The following DCBLD1 variants were observed in gnomAD, a reference collection of about 807,000 sequenced individuals.
DCBLD1 encodes discoidin, CUB and LCCL domain-containing protein 1.
A neutral mutation model predicts 71.5 loss-of-function variants in DCBLD1; 57 were observed. The observed-to-expected ratio is 0.80, with a 90% CI of 0.64 to 0.99. DCBLD1 has a LOEUF of 0.99. Among genes scored for constraint, DCBLD1 ranks in the 50% least tolerant of loss-of-function variants. The pLI, the probability that DCBLD1 is intolerant of heterozygous loss-of-function variation, is 0.00. For missense variants in DCBLD1, 891 were observed against 923.5 expected, an observed-to-expected ratio of 0.96 and a Z score of 0.46; for synonymous variants, 380 against 363.8, an observed-to-expected ratio of 1.04 and a Z score of -0.51.
intron 14 of DCBLD1, among the ~76,000 whole-genome samples, chr6:117,558,511 G>T (rs1779525444): frequency 6.6e-6 from 1 of 152,100 alleles, no homozygotes; most frequent in Non-Finnish European, 1.5e-5. Flanking sequence ...CTCTCCCCAA[G>T]TTGAGTGGTT....
In DCBLD1 at chr6:117,548,784, A is replaced by T. The variant is rs559539297; in HGVS notation, c.*345A>T. 52 of 1,125,084 alleles carry T rather than the reference A, an allele frequency of 4.6e-5. No individual in the cohort carries two copies. Among genetic ancestry groups the T allele is most frequent in the Non-Finnish European group, 5.4e-5 (50 of 918,470 alleles). 69.7% of individuals were successfully genotyped at this position (1,125,084 alleles called of 1,614,324 possible). A position where few individuals can be genotyped will look rare whatever the true frequency, so the allele number is the denominator to read the frequency against. ...TATTTAACAATAATAAAAGTAACTT[A>T]AGTTTGCTCTATCAGATTTTAGTTC... On this transcript the variant is annotated 3_prime_UTR_variant, in exon 15 of 15. Transcript: ENST00000338728.
downstream of DCBLD1, among the ~76,000 whole-genome samples, chr6:117,552,169 C>A (rs922827244): frequency 6.6e-6 from 1 of 152,244 alleles, no homozygotes; most frequent in Admixed American, 6.5e-5. Flanking sequence ...GGTTTAGAAC[C>A]ATACAGAACT....
At chr6:117,567,778 T>G (rs1779727920) in intron 14 of DCBLD1, among the ~76,000 whole-genome samples, 1 of 152,038 alleles carries the variant, frequency 6.6e-6, no homozygotes, top group African/African-American at 2.4e-5. Context: ...CCCTACATAA[T>G]GAACAAGAAT....
At chr6:117,542,119 C>T (rs1259530717) in intron 11 of DCBLD1, among the ~76,000 whole-genome samples, 2 of 151,824 alleles carry the variant, frequency 1.3e-5, no homozygotes, top group Non-Finnish European at 2.9e-5. Context: ...ATGGTGAAAC[C>T]CCGTCTCTAA....
intron 2 of DCBLD1, among the ~76,000 whole-genome samples, chr6:117,505,896 T>C (rs1777826346): frequency 2.6e-5 from 4 of 152,172 alleles, no homozygotes. Flanking sequence ...CAGGGTGTTA[T>C]CCTCCCCATT....
At chr6:117,540,240 A>G (rs1333050721) in intron 9 of DCBLD1, 1 of 154,454 alleles carries the variant, frequency 6.5e-6, no homozygotes, top group East Asian at 1.9e-4. Flanking sequence ...GCCATTTAAA[A>G]TGGCTGCTTC....
intron 4 of DCBLD1, among the ~76,000 whole-genome samples, chr6:117,523,229 C>T (rs1203628357): frequency 6.6e-6 from 1 of 152,134 alleles, no homozygotes; most frequent in Non-Finnish European, 1.5e-5. Context: ...ATTATCTCAG[C>T]TTTAGCCCAG....
rs890016032 is a variant in DCBLD1 at position 117,493,469 on chromosome 6, A to T, written c.113-10298A>T. Among the ~76,000 whole-genome samples, 51 of 152,290 alleles carry T rather than the reference A, an allele frequency of 3.3e-4. 1 individual carries two copies. The highest frequency in any genetic ancestry group is 1.2e-3 in the African/African-American group (48 of 41,572). ...CTAGTAAAGAGTACTTCGATAATTT[A>T]AAAAAGGGGATGATAGAACTTCTCA... is the stretch of plus-strand genomic sequence containing the variant. On this transcript the variant is annotated intron_variant, in intron 1 of 14. Transcript: ENST00000338728.
intron 1 of DCBLD1, among the ~76,000 whole-genome samples, chr6:117,486,837 G>A (rs13192067): frequency 0.26 from 39,230 of 152,024 alleles, 5,150 homozygotes; most frequent in South Asian, 0.37. Flanking sequence ...GTTAGGAGCC[G>A]GGCCACACAG....
intron 5 of DCBLD1, among the ~76,000 whole-genome samples, 183 bp from the exon 6 acceptor site, chr6:117,532,077 G>C (rs1778740633): frequency 6.6e-6 from 1 of 152,160 alleles, no homozygotes; most frequent in Non-Finnish European, 1.5e-5. Flanking sequence ...ATCTGCAGCA[G>C]AACAAAGCAA....
chr6:117,526,988 A>C (rs982451019), intron 5 of DCBLD1, among the ~76,000 whole-genome samples: 2 of 152,154 alleles, frequency 1.3e-5, no homozygotes, highest in Admixed American at 1.3e-4. Flanking sequence ...ATCTGCTTCT[A>C]AGCTCATGTG....
At chr6:117,554,047 A>G (rs913620881), downstream of DCBLD1, among the ~76,000 whole-genome samples, 23 of 152,310 alleles carry the variant, frequency 1.5e-4, no homozygotes, top group Non-Finnish European at 3.1e-4. Context: ...GACCCATGAT[A>G]AGTGCCACGT....
chr6:117,509,567 C>T (rs577678625), intron 2 of DCBLD1, among the ~76,000 whole-genome samples: 1 of 152,244 alleles, frequency 6.6e-6, no homozygotes, highest in Admixed American at 6.5e-5. Context: ...ATTTTTCCTC[C>T]TCCTTCCCTA....
At chr6:117,483,045 C>T in intron 1 of DCBLD1, 152 bp downstream of exon 1, 2 of 879,180 alleles carry the variant, frequency 2.3e-6, no homozygotes, top group African/African-American at 1.8e-5. Context: ...CGCCTGCCAT[C>T]CGCGGAGTCC....
intron 2 of DCBLD1, among the ~76,000 whole-genome samples, chr6:117,513,281 C>T (rs210610): frequency 0.56 from 85,243 of 151,916 alleles, 24,580 homozygotes; most frequent in South Asian, 0.64. Context: ...AATAGTAGCC[C>T]GAAACAGGGA....
chr6:117,525,709 A>C (rs1360876581), intron 5 of DCBLD1, among the ~76,000 whole-genome samples: 1 of 152,132 alleles, frequency 6.6e-6, no homozygotes, highest in Non-Finnish European at 1.5e-5. Flanking sequence ...GAGGTTATAG[A>C]TTTGCATCCT....
rs776898589 is a variant in DCBLD1, at chr6:117,543,139, C to T, written c.1373C>T (p.Thr458Met). The T allele has an allele frequency of 1.4e-5, 23 of 1,613,968 alleles. No individual in the cohort carries two copies. Among genetic ancestry groups the T allele is most frequent in the South Asian group, 3.3e-5 (3 of 91,082 alleles). ...EETSTGINITTVAIPLVLLVV... is the reference protein window; with the variant it reads ...EETSTGINITMVAIPLVLLVV... ...TCTTCTTTAGGAATAAACATTACAA[C>T]GGTGGCTATTCCATTGGTGCTCCTT... The change falls in exon 12 of 15, where the codon ACG (threonine) becomes ATG (methionine). Residue 458 changes from threonine (T) to methionine (M), a missense_variant. Physicochemically the swap from Thr to Met is moderately conservative, Grantham distance 81. Transcript: ENST00000338728.
At position 117,525,346 on chromosome 6, in the gene DCBLD1, A is replaced by G; in HGVS notation, c.513-16A>G. The stretch of plus-strand genomic sequence containing the variant: ...TAATTTAATAAAATATAAATTATTT[A>G]TTTTTCTTTTTCCAGCAAATTCTGC... On this transcript the variant is annotated splice_polypyrimidine_tract_variant and intron_variant, in intron 4 of 14. Transcript: ENST00000338728. The G allele has an allele frequency of 2.1e-6, 3 of 1,451,600 alleles. No individual in the cohort carries two copies. The highest frequency in any genetic ancestry group is 2.7e-6 in the Non-Finnish European group (3 of 1,103,636). 89.9% of individuals were successfully genotyped at this position (1,451,600 alleles called of 1,614,324 possible).
At chr6:117,537,117 G>A in intron 6 of DCBLD1, 68 bp from the exon 7 acceptor site, 3 of 1,515,118 alleles carry the variant, frequency 2.0e-6, no homozygotes, top group South Asian at 1.1e-5. Context: ...GCCCTGGGAT[G>A]TAGCTATATT....
Sources: allele counts gnomAD v4.1 joint callset (sites outside exome capture counted in the v4.1 genomes callset), GRCh38; gene constraint gnomAD v4.1.1; transcripts MANE v1.5; gene names NCBI Gene and HGNC (gene_info 2026-07-23, HGNC 2026-07-21).